KYAT1: variants seen among roughly 807,000 people sequenced by gnomAD.
KYAT1 encodes kynurenine aminotransferase 1.
KYAT1 carries 47 observed loss-of-function variants against 52.4 expected under a neutral mutation model. The ratio of observed to expected loss-of-function variants is 0.90; its 90% CI spans 0.71 to 1.14. The LOEUF (loss-of-function observed/expected upper bound fraction) is 1.14, where lower values mean the gene tolerates loss of function less well. Ranked by LOEUF, KYAT1 falls within the 50% of genes most tolerant of loss-of-function variation. The probability of loss-of-function intolerance (pLI) is 0.00; values close to 1 mark genes in which losing one functional copy is unlikely to be tolerated. For synonymous variants in KYAT1, 212 were observed against 209.6 expected, an observed-to-expected ratio of 1.01 and a Z score of -0.10; for missense variants, 480 against 557.9, an observed-to-expected ratio of 0.86 and a Z score of 1.41.
chr9:128,836,739 C>T, intron 7 of KYAT1, 63 bp downstream of exon 7: 1 of 1,578,834 alleles, frequency 6.3e-7, no homozygotes, highest in East Asian at 2.2e-5. Flanking sequence ...CGCTGACTCT[C>T]AGGTGGGGTC....
chr9:128,846,964 ATGAGGACAC>A (rs1485464411), intron 1 of KYAT1: 2 of 1,035,744 alleles, frequency 1.9e-6, no homozygotes, highest in Non-Finnish European at 2.7e-6. Flanking sequence ...CATCTAACAG[ATGAGGACAC>A]TGAGGCTTGA....
chr9:128,876,999 A>G (rs1838139854), intron 1 of KYAT1, among the ~76,000 whole-genome samples: 1 of 151,780 alleles, frequency 6.6e-6, no homozygotes, highest in Non-Finnish European at 1.5e-5. Flanking sequence ...CCCGGGTTCA[A>G]GTGATTCTCC....
intron 1 of KYAT1, among the ~76,000 whole-genome samples, chr9:128,856,860 T>C (rs766781827): frequency 5.9e-5 from 9 of 152,260 alleles, no homozygotes; most frequent in African/African-American, 1.2e-4. Flanking sequence ...AAGACCTGAC[T>C]GTCCCCCAGC....
chr9:128,881,557 C>A (rs7020013), intron 1 of KYAT1, among the ~76,000 whole-genome samples: 4 of 151,918 alleles, frequency 2.6e-5, no homozygotes, highest in Non-Finnish European at 5.9e-5. Context: ...GAGGACCCAG[C>A]GGGATTTATG....
chr9:128,836,044 G>A lies in KYAT1; in HGVS notation c.718C>T (p.Leu240=), dbSNP rs373929509. The change falls in exon 8 of 13, where the codon CTG becomes TTG. Residue 240 remains leucine (L), a synonymous_variant. Coordinates refer to ENST00000302586, the MANE Select transcript of KYAT1 (RefSeq NM_004059.5). ...GTCTTGCCGGCGCTGCCGATGGTCA[G>A]GGTCCGTTCCCACATGCCAGGGAGG... ...ASLPGMWERT[L]TIGSAGKTFS... The A allele has an allele frequency of 6.2e-7, 1 of 1,614,004 alleles. No individual in the cohort carries two copies. Among genetic ancestry groups the A allele is most frequent in the South Asian group, 1.1e-5 (1 of 91,078 alleles).
chr9:128,842,061 G>A, intron 3 of KYAT1: 1 of 262,910 alleles, frequency 3.8e-6, no homozygotes, highest in South Asian at 3.6e-5. Flanking sequence ...GCATGGTGAT[G>A]CACACCTGTA....
At chr9:128,874,153 G>A (rs1837631042) in intron 1 of KYAT1, among the ~76,000 whole-genome samples, 1 of 151,540 alleles carries the variant, frequency 6.6e-6, no homozygotes. Context: ...CTACTCAGGA[G>A]GCTGAGACGG....
chr9:128,843,038 G>T (rs1036118811), intron 2 of KYAT1, among the ~76,000 whole-genome samples: 4 of 152,142 alleles, frequency 2.6e-5, no homozygotes, highest in African/African-American at 7.2e-5. Flanking sequence ...ATGGTGGCAG[G>T]GGCCTGTAAT....
chr9:128,878,776 C>T (rs1228639896), intron 1 of KYAT1, among the ~76,000 whole-genome samples: 1 of 152,160 alleles, frequency 6.6e-6, no homozygotes, highest in South Asian at 2.1e-4. Context: ...TATCTCACCA[C>T]TTATTCCTCC....
At chr9:128,882,262 G>T, upstream of KYAT1, 1 of 152,890 alleles carries the variant, frequency 6.5e-6, no homozygotes, top group South Asian at 2.0e-4. Context: ...TGAGTGGACG[G>T]GGTGGGGAAA....
intron 7 of KYAT1, 71 bp from the exon 8 acceptor site, chr9:128,836,144 C>T (rs1831054900): frequency 7.1e-7 from 1 of 1,401,306 alleles, no homozygotes; most frequent in Non-Finnish European, 1.0e-6. Context: ...TGGTCTGGGC[C>T]CCAGGGGACA....
rs1564491620 is a variant in KYAT1 at position 128,865,336 on chromosome 9, TATATATATATATA to T, written c.-7+16548_-7+16560del. 3.2e-3 allele frequency among the ~76,000 whole-genome samples: 7 copies of T among 2,174 alleles called. 1 individual carries two copies. Among genetic ancestry groups the T allele is most frequent in the South Asian group, 0.031 (2 of 64 alleles). 1.4% of individuals were successfully genotyped at this position (2,174 alleles called of 152,430 possible). On this transcript the variant is annotated intron_variant, in intron 1 of 12. Coordinates refer to ENST00000302586, the MANE Select transcript of KYAT1 (RefSeq NM_004059.5). ...ATATATATATATATATATATATATA[TATATATATATATA>T]TATATATATATTTTTTTTTTTTTTT...
intron 1 of KYAT1, among the ~76,000 whole-genome samples, chr9:128,863,869 G>T (rs998572755): frequency 3.3e-5 from 5 of 152,128 alleles, no homozygotes; most frequent in Admixed American, 6.6e-5. Context: ...AGCAGGGAGG[G>T]TGCTGCTCCA....
chr9:128,880,432 C>A (rs1366955859), intron 1 of KYAT1, among the ~76,000 whole-genome samples: 4 of 151,502 alleles, frequency 2.6e-5, no homozygotes, highest in African/African-American at 7.3e-5. Context: ...AGCTTCTCCA[C>A]TTCCTGGCTA....
intron 6 of KYAT1, 105 bp from the exon 7 acceptor site, chr9:128,837,027 C>T (rs1831251347): frequency 1.4e-6 from 2 of 1,434,840 alleles, no homozygotes; most frequent in Non-Finnish European, 1.9e-6. Context: ...GGTGCGGTGG[C>T]TCACGCCTGT....
chr9:128,880,577 G>C (rs571550342), intron 1 of KYAT1, among the ~76,000 whole-genome samples: 32 of 152,122 alleles, frequency 2.1e-4, no homozygotes, highest in South Asian at 8.3e-4. Context: ...GAGTAGCTGG[G>C]ACCACAGGCG....
At chr9:128,846,848 C>T in intron 1 of KYAT1, 4 of 1,535,334 alleles carry the variant, frequency 2.6e-6, no homozygotes, top group Non-Finnish European at 3.5e-6. Context: ...CAACATTCTT[C>T]TCAGCCACCT....
At chr9:128,846,814 T>G in intron 1 of KYAT1, 1 of 1,535,606 alleles carries the variant, frequency 6.5e-7, no homozygotes, top group Non-Finnish European at 8.7e-7. Flanking sequence ...CCCAGATGGC[T>G]GGTGGGCCGT....
chr9:128,866,206 A>C (rs1222241858), intron 1 of KYAT1, among the ~76,000 whole-genome samples: 1 of 152,228 alleles, frequency 6.6e-6, no homozygotes, highest in Non-Finnish European at 1.5e-5. Context: ...ATTTTAATAT[A>C]ATATGAGCCT....
Sources: allele counts gnomAD v4.1 joint callset (sites outside exome capture counted in the v4.1 genomes callset), GRCh38; gene constraint gnomAD v4.1.1; transcripts MANE v1.5; gene names NCBI Gene and HGNC (gene_info 2026-07-23, HGNC 2026-07-21).